FRAS1: variants seen among roughly 807,000 people sequenced by gnomAD.
FRAS1 encodes the protein Fraser extracellular matrix complex subunit 1.
In FRAS1, 290 loss-of-function variants were observed where a neutral mutation model predicts 435.2. The ratio of observed to expected loss-of-function variants is 0.67; its 90% CI spans 0.61 to 0.73. The LOEUF is 0.73. Ranked by LOEUF, FRAS1 falls within the 30% of genes least tolerant of loss-of-function variation. The pLI is 0.00. For synonymous variants in FRAS1, 1,800 were observed against 1,851.0 expected (o/e 0.97, Z 0.71); for missense variants, 4,860 against 5,001.5 (o/e 0.97, Z 0.85).
intron 2 of FRAS1, among the ~76,000 whole-genome samples, chr4:78,124,449 C>G (rs1362931494): frequency 6.6e-6 from 1 of 152,138 alleles, no homozygotes; most frequent in Non-Finnish European, 1.5e-5. Flanking sequence ...TTTGTTGTGT[C>G]TCTGCCAGGC....
chr4:78,224,821 T>G (rs1008132822), intron 2 of FRAS1, among the ~76,000 whole-genome samples: 4 of 152,184 alleles, frequency 2.6e-5, no homozygotes, highest in African/African-American at 9.7e-5. Flanking sequence ...CATAAGCCAC[T>G]GTGTCTGGCT....
intron 2 of FRAS1, among the ~76,000 whole-genome samples, chr4:78,191,679 T>C (rs1722540894): frequency 6.6e-6 from 1 of 152,082 alleles, no homozygotes; most frequent in Non-Finnish European, 1.5e-5. Context: ...CTCCTAATGC[T>C]ATCCCTCCCC....
intron 40 of FRAS1, among the ~76,000 whole-genome samples, chr4:78,439,814 T>A (rs984129505): frequency 3.3e-5 from 5 of 152,080 alleles, no homozygotes; most frequent in African/African-American, 1.2e-4. Context: ...TAAAATATTA[T>A]CATTTTCTAC....
chr4:78,098,543 G>T (rs887109527), intron 2 of FRAS1, among the ~76,000 whole-genome samples: 1 of 152,024 alleles, frequency 6.6e-6, no homozygotes, highest in East Asian at 1.9e-4. Flanking sequence ...CCAAAGTGCT[G>T]GGATTACAGG....
At chr4:78,113,278 C>G (rs1221740926) in intron 2 of FRAS1, among the ~76,000 whole-genome samples, 1 of 152,154 alleles carries the variant, frequency 6.6e-6, no homozygotes, top group Non-Finnish European at 1.5e-5. Flanking sequence ...AATAGTGCCG[C>G]AACAAACATA....
intron 5 of FRAS1, 121 bp from the exon 6 acceptor site, chr4:78,255,121 G>A (rs1031114853): frequency 4.4e-6 from 4 of 902,926 alleles, no homozygotes; most frequent in Non-Finnish European, 7.1e-6. Flanking sequence ...AACACCAAAT[G>A]CAGGACCTCC....
At chr4:78,304,097 G>A (rs1461741868) in intron 14 of FRAS1, among the ~76,000 whole-genome samples, 3 of 149,288 alleles carry the variant, frequency 2.0e-5, no homozygotes, top group Non-Finnish European at 4.5e-5. Flanking sequence ...GGCCTTTTCT[G>A]CATCTATTAA....
chr4:78,488,848 C>T (rs750325284), intron 58 of FRAS1, 27 bp from the exon 59 acceptor site: 89 of 1,598,734 alleles, frequency 5.6e-5, no homozygotes, highest in East Asian at 9.0e-5. Context: ...ACTAATGGTG[C>T]GTCTGTCTTT....
At chr4:78,072,788 T>C (rs1740422554) in intron 2 of FRAS1, among the ~76,000 whole-genome samples, 1 of 125,118 alleles carries the variant, frequency 8.0e-6, no homozygotes. Flanking sequence ...ATGTACTTAT[T>C]TTGTGATAAA....
intron 3 of FRAS1, among the ~76,000 whole-genome samples, chr4:78,239,569 T>C (rs767354596): frequency 7.2e-5 from 11 of 152,202 alleles, no homozygotes; most frequent in Non-Finnish European, 1.5e-4. Context: ...TTCCAGTGGC[T>C]TCTCTTCTTA....
At chr4:78,236,704 A>C (rs1056941091) in intron 2 of FRAS1, among the ~76,000 whole-genome samples, 14 of 152,186 alleles carry the variant, frequency 9.2e-5, no homozygotes, top group African/African-American at 3.4e-4. Flanking sequence ...GCACAACTGA[A>C]ATGTGGATTC....
At chr4:78,498,709 T>C (rs1720583898) in intron 60 of FRAS1, among the ~76,000 whole-genome samples, 1 of 152,080 alleles carries the variant, frequency 6.6e-6, no homozygotes, top group Non-Finnish European at 1.5e-5. Flanking sequence ...CTCAAAATGG[T>C]ATAAAAGTTA....
rs761989330 is a variant in FRAS1, at chr4:78,400,721, A to G, written c.3976-13A>G. The G allele has an allele frequency of 6.2e-7, 1 of 1,608,230 alleles. No individual in the cohort carries two copies. The highest frequency in any genetic ancestry group is 1.1e-5 in the South Asian group (1 of 89,764). On this transcript the variant is annotated splice_polypyrimidine_tract_variant and intron_variant, in intron 29 of 73. Coordinates refer to ENST00000512123, the MANE Select transcript of FRAS1 (RefSeq NM_025074.7). Reference sequence around the variant, plus strand: ...TTGCTTGGAACTAATTCTGCATTTTATTTTTATTTCAGAATGACAGGGGTC... The same window carrying G: ...TTGCTTGGAACTAATTCTGCATTTTGTTTTTATTTCAGAATGACAGGGGTC...
At chr4:78,231,743 A>G (rs1219460994) in intron 2 of FRAS1, among the ~76,000 whole-genome samples, 2 of 152,116 alleles carry the variant, frequency 1.3e-5, no homozygotes, top group African/African-American at 4.8e-5. Context: ...TTAATCAAAT[A>G]TTCAGTAAAT....
At chr4:78,205,124 G>C (rs1442579737) in intron 2 of FRAS1, among the ~76,000 whole-genome samples, 3 of 151,798 alleles carry the variant, frequency 2.0e-5, no homozygotes, top group African/African-American at 7.3e-5. Context: ...GAGCGCCACT[G>C]AAAAGAGAAG....
At chr4:78,150,103 G>A (rs1202085923) in intron 2 of FRAS1, among the ~76,000 whole-genome samples, 1 of 152,192 alleles carries the variant, frequency 6.6e-6, no homozygotes, top group African/African-American at 2.4e-5. Context: ...TTTACGTCAA[G>A]TTAGCACAGG....
rs572013681 is a variant in FRAS1, at chr4:78,274,454, T to A, written c.982-4201T>A. 1.2e-4 allele frequency among the ~76,000 whole-genome samples: 19 copies of A among 152,362 alleles called. No homozygotes were observed. In the South Asian group the frequency reaches 3.9e-3, roughly 32 times the overall value. On this transcript the variant is annotated intron_variant, in intron 9 of 73. Coordinates refer to ENST00000512123, the MANE Select transcript of FRAS1 (RefSeq NM_025074.7). ...CCTGCTTTCTCTTGTGGGCATTTAG[T>A]GCTATAAATTTCCCTCTACACACTG...
At chr4:78,439,093 G>A in intron 40 of FRAS1, 29 bp downstream of exon 40, 1 of 1,566,598 alleles carries the variant, frequency 6.4e-7, no homozygotes, top group East Asian at 2.3e-5. Flanking sequence ...AATAAACAGT[G>A]AGTACTATAG....
At chr4:78,246,252 C>T (rs181915129) in intron 4 of FRAS1, among the ~76,000 whole-genome samples, 1 of 152,276 alleles carries the variant, frequency 6.6e-6, no homozygotes, top group Admixed American at 6.5e-5. Flanking sequence ...TGATACAAAA[C>T]TTTCCCCAAG....
Sources: allele counts gnomAD v4.1 joint callset (sites outside exome capture counted in the v4.1 genomes callset), GRCh38; gene constraint gnomAD v4.1.1; transcripts MANE v1.5; gene names NCBI Gene and HGNC (gene_info 2026-07-23, HGNC 2026-07-21).